EFL1: variants seen among roughly 807,000 people sequenced by gnomAD.
EFL1 encodes elongation factor-like GTPase 1.
Under a neutral mutation model 126.7 loss-of-function variants are expected in EFL1, and 76 were observed. That is an observed-to-expected ratio of 0.60 (90% CI 0.50 to 0.73). EFL1 has a LOEUF of 0.73. Among genes scored for constraint, EFL1 ranks in the 30% least tolerant of loss-of-function variants. The pLI is 0.00. For synonymous variants in EFL1, 410 were observed against 448.4 expected (o/e 0.91, Z 1.08); for missense variants, 1,128 against 1,343.2 (o/e 0.84, Z 2.50).
intron 11 of EFL1, among the ~76,000 whole-genome samples, chr15:82,225,964 C>T (rs896705196): frequency 2.0e-5 from 3 of 151,790 alleles, no homozygotes; most frequent in Admixed American, 2.0e-4. Context: ...AAAATACAAA[C>T]AAGAAAAAAG....
intron 2 of EFL1, among the ~76,000 whole-genome samples, chr15:82,260,215 C>T (rs1266770043): frequency 1.3e-5 from 2 of 152,122 alleles, no homozygotes; most frequent in African/African-American, 2.4e-5. Context: ...CACTAACTTT[C>T]CACTTGAATA....
chr15:82,238,454 T>G lies in EFL1; in HGVS notation c.584A>C (p.Glu195Ala). ...VLEERAERET[E>A]SQVNPNSEQG... ...TTCAGAATTTGGATTCACTTGGGAT[T>G]CAGTCTCCCTCTCTGCTCTTTCTTC... The change falls in exon 7 of 20, where the codon GAA (glutamate) becomes GCA (alanine). Residue 195 changes from glutamate to alanine, a missense_variant. Around this residue, in one of 6 missense-constraint regions of EFL1, gnomAD observed 316 missense variants for 318.5 expected, o/e 0.99. Coordinates refer to ENST00000268206, the MANE Select transcript of EFL1 (RefSeq NM_024580.6). 6.2e-7 allele frequency: 1 copy of G among 1,614,150 alleles called. No individual in the cohort carries two copies.
intron 18 of EFL1, among the ~76,000 whole-genome samples, chr15:82,147,650 A>T (rs1472929206): frequency 3.3e-5 from 5 of 151,766 alleles, no homozygotes; most frequent in Non-Finnish European, 4.4e-5. Flanking sequence ...AAAAAAGGAA[A>T]GATATCGTTT....
At chr15:82,232,048 T>C (rs1389953916) in intron 7 of EFL1, among the ~76,000 whole-genome samples, 1 of 152,222 alleles carries the variant, frequency 6.6e-6, no homozygotes, top group African/African-American at 2.4e-5. Flanking sequence ...CCAGTTTTGC[T>C]AGGCAGGCTG....
In EFL1 at chr15:82,252,956, T is replaced by A. The variant is rs192135075; in HGVS notation, c.160-181A>T. Among the ~76,000 whole-genome samples the A allele has an allele frequency of 1.4e-4, 22 of 152,268 alleles. No homozygotes were observed. The East Asian group carries it at 4.2e-3, about 29-fold the overall frequency. Reference sequence around the variant, plus strand: ...GTCTTGAACTTCTAGCCTCAAGTGATCCTCCCACCGTGGCCTCCCAAAGTG... The same window carrying A: ...GTCTTGAACTTCTAGCCTCAAGTGAACCTCCCACCGTGGCCTCCCAAAGTG... On this transcript the variant is annotated intron_variant, in intron 3 of 19. Coordinates refer to ENST00000268206, the MANE Select transcript of EFL1 (RefSeq NM_024580.6).
At chr15:82,170,844 T>C (rs949623116) in intron 15 of EFL1, among the ~76,000 whole-genome samples, 25 of 152,258 alleles carry the variant, frequency 1.6e-4, no homozygotes, top group African/African-American at 5.3e-4. Flanking sequence ...ATATTTTATA[T>C]AGTAACACAT....
At chr15:82,154,666 A>G (rs2073948203) in intron 17 of EFL1, among the ~76,000 whole-genome samples, 1 of 152,234 alleles carries the variant, frequency 6.6e-6, no homozygotes, top group African/African-American at 2.4e-5. Flanking sequence ...TATGAAGGTA[A>G]CTGCTATCCT....
At chr15:82,224,798 G>C (rs1020213045) in intron 12 of EFL1, among the ~76,000 whole-genome samples, 2 of 152,206 alleles carry the variant, frequency 1.3e-5, no homozygotes, top group Non-Finnish European at 2.9e-5. Context: ...GGGAAGCAGA[G>C]ATCCTCATAC....
At chr15:82,182,921 C>T (rs528321046) in intron 15 of EFL1, among the ~76,000 whole-genome samples, 164 of 152,164 alleles carry the variant, frequency 1.1e-3, no homozygotes, top group African/African-American at 2.2e-3. Flanking sequence ...CACCAGCGTA[C>T]GAACAATCGT....
chr15:82,180,365 A>AAAAAAAC (rs1567052868), intron 15 of EFL1, among the ~76,000 whole-genome samples: 12 of 106,730 alleles, frequency 1.1e-4, no homozygotes, highest in African/African-American at 3.5e-4. Context: ...CTGGCAAAAA[A>AAAAAAAC]AAAAAAACAA....
intron 15 of EFL1, among the ~76,000 whole-genome samples, chr15:82,170,505 C>G (rs909958012): frequency 6.6e-6 from 1 of 152,180 alleles, no homozygotes; most frequent in Admixed American, 6.5e-5. Context: ...CCATCCCATT[C>G]TTTTTCTTTT....
intron 19 of EFL1, among the ~76,000 whole-genome samples, chr15:82,131,686 G>T (rs1193869206): frequency 6.6e-6 from 1 of 152,136 alleles, no homozygotes. Flanking sequence ...CAGCTACTTG[G>T]GAGGCTGAGG....
intron 3 of EFL1, among the ~76,000 whole-genome samples, chr15:82,253,576 T>C (rs766644660): frequency 2.0e-5 from 3 of 152,118 alleles, no homozygotes; most frequent in South Asian, 2.1e-4. Context: ...ATCAATAACA[T>C]AGCCATTCTT....
chr15:82,255,131 G>A (rs1047571643), intron 3 of EFL1, among the ~76,000 whole-genome samples: 3 of 152,194 alleles, frequency 2.0e-5, no homozygotes, highest in African/African-American at 7.2e-5. Context: ...GATCCACAGT[G>A]GAATAGTGCG....
chr15:82,233,419 C>T (rs1258666514), intron 7 of EFL1, among the ~76,000 whole-genome samples: 1 of 152,184 alleles, frequency 6.6e-6, no homozygotes, highest in African/African-American at 2.4e-5. Context: ...CTGATCTATT[C>T]ATTGCCTATC....
chr15:82,236,374 T>A (rs2074872856), intron 7 of EFL1, among the ~76,000 whole-genome samples: 2 of 152,086 alleles, frequency 1.3e-5, no homozygotes, highest in African/African-American at 4.8e-5. Flanking sequence ...ATTTTGAAAA[T>A]TAAAAATAAT....
intron 11 of EFL1, among the ~76,000 whole-genome samples, chr15:82,226,358 G>A (rs757344497): frequency 1.2e-4 from 18 of 152,078 alleles, no homozygotes; most frequent in African/African-American, 2.9e-4. Flanking sequence ...TAGTAGAGAC[G>A]GAGTTTCACC....
chr15:82,207,307 T>TATATAC (rs141904056), intron 15 of EFL1, among the ~76,000 whole-genome samples: 1 of 145,418 alleles, frequency 6.9e-6, no homozygotes, highest in African/African-American at 2.6e-5. Flanking sequence ...TATATATATA[T>TATATAC]ACACACACAC....
intron 18 of EFL1, among the ~76,000 whole-genome samples, chr15:82,140,892 C>G (rs1010951699): frequency 6.6e-6 from 1 of 152,178 alleles, no homozygotes; most frequent in African/African-American, 2.4e-5. Flanking sequence ...TACTCTAAAA[C>G]TCATTTTCTC....
Sources: allele counts gnomAD v4.1 joint callset (sites outside exome capture counted in the v4.1 genomes callset), GRCh38; gene constraint gnomAD v4.1.1; regional missense constraint gnomAD v4.1.1; transcripts MANE v1.5; gene names NCBI Gene and HGNC (gene_info 2026-07-23, HGNC 2026-07-21).